The following TUSC3 variants were observed in gnomAD, a reference collection of about 807,000 sequenced individuals.
The protein encoded by TUSC3 is tumor suppressor candidate 3, also known as dolichyl-diphosphooligosaccharide--protein glycosyltransferase subunit TUSC3.
TUSC3 carries 45 observed loss-of-function variants against 44.8 expected under a neutral mutation model. That is an observed-to-expected ratio of 1.00 (90% CI 0.79 to 1.29). The LOEUF (loss-of-function observed/expected upper bound fraction) is 1.29, where lower values mean the gene tolerates loss of function less well. Ranked by LOEUF, TUSC3 falls within the 50% of genes most tolerant of loss-of-function variation. The pLI, the probability that TUSC3 is intolerant of heterozygous loss-of-function variation, is 0.00. For missense variants in TUSC3, 519 were observed against 437.9 expected, an observed-to-expected ratio of 1.19 and a Z score of -1.65; for synonymous variants, 212 against 152.9, an observed-to-expected ratio of 1.39 and a Z score of -2.85.
chr8:15,754,422 C>T (rs1260924020), intron 9 of TUSC3, among the ~76,000 whole-genome samples: 1 of 152,130 alleles, frequency 6.6e-6, no homozygotes, highest in African/African-American at 2.4e-5. Context: ...AACATGAATA[C>T]ATGTTGCAGA....
intron 1 of TUSC3, among the ~76,000 whole-genome samples, chr8:15,614,079 A>AT (rs574502744): frequency 4.2e-4 from 63 of 149,714 alleles, no homozygotes; most frequent in Non-Finnish European, 5.8e-4. Flanking sequence ...AGAGAAAATT[A>AT]TTTTTTTCTC....
intron 5 of TUSC3, among the ~76,000 whole-genome samples, chr8:15,673,003 C>G (rs879283658): frequency 6.6e-6 from 1 of 151,966 alleles, no homozygotes; most frequent in African/African-American, 2.4e-5. Flanking sequence ...CTAAAGGAGT[C>G]CCAGTTCATT....
At position 15,598,046 on chromosome 8, in the gene TUSC3, C is replaced by T. The variant is rs191081256; in HGVS notation, c.139-25034C>T. 3.6e-4 allele frequency among the ~76,000 whole-genome samples: 54 copies of T among 152,058 alleles called. No individual in the cohort carries two copies. The East Asian group carries it at 7.9e-3, about 22-fold the overall frequency. On this transcript the variant is annotated intron_variant, in intron 1 of 10. Transcript: ENST00000503731. ...GTAAATTTGTTGTTTCTAGATTCAA[C>T]GTAAATAAATGCTTTGAGAATCAAG...
chr8:15,568,710 C>G (rs1416808648), intron 1 of TUSC3, among the ~76,000 whole-genome samples: 15 of 150,248 alleles, frequency 1.0e-4, no homozygotes, highest in African/African-American at 2.7e-4. Flanking sequence ...TCAACTGATT[C>G]TCCTGCCTCA....
the TUSC3 span, chr8:15,806,585 C>T: frequency 6.8e-7 from 1 of 1,475,108 alleles, no homozygotes; most frequent in South Asian, 1.1e-5. Context: ...GATACTATCA[C>T]ATGCAAGGAT....
chr8:15,593,188 C>A (rs1025849113), intron 1 of TUSC3, among the ~76,000 whole-genome samples: 1 of 152,076 alleles, frequency 6.6e-6, no homozygotes, highest in Non-Finnish European at 1.5e-5. Context: ...TGGGTTCAAG[C>A]GATTCTTCTG....
chr8:15,776,947 T>C, the TUSC3 span, among the ~76,000 whole-genome samples: 2 of 152,146 alleles, frequency 1.3e-5, no homozygotes, highest in East Asian at 1.9e-4. Context: ...AAAAAAATAA[T>C]TTAACTTCTG....
intron 10 of TUSC3, among the ~76,000 whole-genome samples, chr8:15,760,249 C>G (rs1812116093): frequency 6.6e-6 from 1 of 152,006 alleles, no homozygotes; most frequent in African/African-American, 2.4e-5. Context: ...ATCCCAACAC[C>G]CAGGTCATCA....
At chr8:15,575,629 T>C (rs1803069741) in intron 1 of TUSC3, among the ~76,000 whole-genome samples, 1 of 151,952 alleles carries the variant, frequency 6.6e-6, no homozygotes, top group Non-Finnish European at 1.5e-5. Context: ...TAATTGAGAA[T>C]GGTGGCGGGC....
At chr8:15,422,218 T>C (rs1799746573) in intron 1 of TUSC3, among the ~76,000 whole-genome samples, 3 of 152,240 alleles carry the variant, frequency 2.0e-5, no homozygotes. Context: ...CATGTTACTA[T>C]TCTTGTGTGA....
At chr8:15,521,017 A>G (rs976782016) in intron 2 of TUSC3, among the ~76,000 whole-genome samples, 2 of 152,210 alleles carry the variant, frequency 1.3e-5, no homozygotes, top group African/African-American at 4.8e-5. Flanking sequence ...CCAAACTGGG[A>G]AAGTGCCAAG....
chr8:15,785,327 A>G, the TUSC3 span, among the ~76,000 whole-genome samples: 3 of 152,316 alleles, frequency 2.0e-5, no homozygotes, highest in South Asian at 2.1e-4. Flanking sequence ...GGTACAACCA[A>G]TACATTGCTA....
chr8:15,432,182 G>A (rs969596856), intron 1 of TUSC3, among the ~76,000 whole-genome samples: 1 of 151,996 alleles, frequency 6.6e-6, no homozygotes, highest in African/African-American at 2.4e-5. Context: ...GAGAAAGTGT[G>A]GCATTCATTC....
At chr8:15,733,416 G>A (rs1810803402) in intron 7 of TUSC3, 1 of 395,532 alleles carries the variant, frequency 2.5e-6, no homozygotes, top group South Asian at 1.9e-5. Context: ...ACTTTATCTG[G>A]ATAAAGTGAT....
At chr8:15,718,399 T>A (rs562185804) in intron 6 of TUSC3, among the ~76,000 whole-genome samples, 25 of 152,190 alleles carry the variant, frequency 1.6e-4, no homozygotes, top group African/African-American at 5.1e-4. Flanking sequence ...GAAAGATAAA[T>A]TTGTTTGCAT....
chr8:15,643,091 C>A (rs903130987), intron 2 of TUSC3, among the ~76,000 whole-genome samples: 1 of 152,104 alleles, frequency 6.6e-6, no homozygotes, highest in Non-Finnish European at 1.5e-5. Context: ...GACCTGATGG[C>A]TTTATAAGGG....
chr8:15,507,658 A>T (rs1176266770), intron 2 of TUSC3, among the ~76,000 whole-genome samples: 1 of 152,184 alleles, frequency 6.6e-6, no homozygotes, highest in Non-Finnish European at 1.5e-5. Context: ...AAAATATGTT[A>T]TACAAAATAC....
At chr8:15,654,606 G>A (rs1169620909) in intron 3 of TUSC3, among the ~76,000 whole-genome samples, 2 of 152,022 alleles carry the variant, frequency 1.3e-5, no homozygotes, top group African/African-American at 2.4e-5. Flanking sequence ...TTAAAGCCCT[G>A]CAAACGTGGT....
intron 2 of TUSC3, among the ~76,000 whole-genome samples, chr8:15,645,299 T>C (rs963255976): frequency 2.6e-5 from 4 of 152,202 alleles, no homozygotes; most frequent in African/African-American, 9.6e-5. Flanking sequence ...ATTCTATTAC[T>C]TGAACACAGA....
Sources: gnomAD v4.1 joint callset for allele counts (sites outside exome capture counted in the v4.1 genomes callset) on GRCh38, gnomAD v4.1.1 for gene constraint, MANE v1.5 for transcripts, NCBI Gene and HGNC (gene_info 2026-07-23, HGNC 2026-07-21) for gene names.